EPB41L4A: variants seen among roughly 807,000 people sequenced by gnomAD.
EPB41L4A encodes erythrocyte membrane protein band 4.1 like 4A, also known as band 4.1-like protein 4A.
A neutral mutation model predicts 108.6 loss-of-function variants in EPB41L4A; 100 were observed. The ratio of observed to expected loss-of-function variants is 0.92; its 90% confidence interval spans 0.78 to 1.09. The LOEUF is 1.09. Ranked by LOEUF, EPB41L4A falls within the 50% of genes least tolerant of loss-of-function variation. The pLI, the probability that EPB41L4A is intolerant of heterozygous loss-of-function variation, is 0.00. For synonymous variants in EPB41L4A, 319 were observed against 289.0 expected, an observed-to-expected ratio of 1.10 and a Z score of -1.05; for missense variants, 1,030 against 842.7, an observed-to-expected ratio of 1.22 and a Z score of -2.75.
chr5:112,146,111 A>C, intron 12 of EPB41L4A: 1 of 376,260 alleles, frequency 2.7e-6, no homozygotes, highest in Non-Finnish European at 5.2e-6. Flanking sequence ...AGGGTCTTAC[A>C]GAATCGAGAC....
At chr5:112,337,497 T>C (rs542352107) in intron 1 of EPB41L4A, among the ~76,000 whole-genome samples, 2 of 152,250 alleles carry the variant, frequency 1.3e-5, no homozygotes, top group South Asian at 4.2e-4. Flanking sequence ...ATCTCAGTCA[T>C]CACAAGATCC....
intron 1 of EPB41L4A, among the ~76,000 whole-genome samples, chr5:112,399,538 C>G (rs144183868): frequency 6.6e-6 from 1 of 152,294 alleles, no homozygotes. Context: ...AACATCCTCA[C>G]TATCTTTTTT....
chr5:112,330,823 T>C lies in EPB41L4A; in HGVS notation c.100-23333A>G, dbSNP rs78253092. Among the ~76,000 whole-genome samples, 525 of 152,264 alleles carry C rather than the reference T, an allele frequency of 3.4e-3. 1 individual carries two copies. The highest frequency in any genetic ancestry group is 0.012 in the African/African-American group (486 of 41,554). ...ATATGTTAATATGCATATTTTCATA[T>C]AGATTTAGAAAAAAATCATCAAGAG... is the stretch of plus-strand genomic sequence containing the variant. On this transcript the variant is annotated intron_variant, in intron 1 of 22. Transcript: ENST00000261486.
At chr5:112,396,058 T>G (rs1580825573) in intron 1 of EPB41L4A, among the ~76,000 whole-genome samples, 3 of 151,910 alleles carry the variant, frequency 2.0e-5, no homozygotes, top group African/African-American at 7.3e-5. Context: ...ATGAGAACAC[T>G]TGGACACAGG....
intron 1 of EPB41L4A, among the ~76,000 whole-genome samples, chr5:112,310,454 T>C (rs1754975624): frequency 6.6e-6 from 1 of 152,232 alleles, no homozygotes; most frequent in Admixed American, 6.5e-5. Context: ...CACCCTGTCT[T>C]CATCCTGACT....
chr5:112,194,535 G>A, intron 17 of EPB41L4A, 33 bp downstream of exon 17: 1 of 1,295,790 alleles, frequency 7.7e-7, no homozygotes, highest in Non-Finnish European at 1.1e-6. Flanking sequence ...TCTGATTTCA[G>A]AGTGCCAGTT....
At chr5:112,158,537 C>T, downstream of EPB41L4A, 1 of 213,514 alleles carries the variant, frequency 4.7e-6, no homozygotes, top group Non-Finnish European at 9.8e-6. Context: ...CTGCATTAGT[C>T]CATTCTCATG....
intron 12 of EPB41L4A, among the ~76,000 whole-genome samples, chr5:112,223,533 G>A (rs1290544808): frequency 1.3e-5 from 2 of 152,060 alleles, no homozygotes; most frequent in Non-Finnish European, 2.9e-5. Context: ...ATCCCAAACC[G>A]CTGACAGACA....
At chr5:112,413,399 A>G (rs1210623622) in intron 1 of EPB41L4A, among the ~76,000 whole-genome samples, 1 of 152,212 alleles carries the variant, frequency 6.6e-6, no homozygotes, top group African/African-American at 2.4e-5. Flanking sequence ...GTAAAAATAA[A>G]ATAGCAAAGG....
At chr5:112,371,885 A>G (rs1322758749) in intron 1 of EPB41L4A, among the ~76,000 whole-genome samples, 1 of 152,138 alleles carries the variant, frequency 6.6e-6, no homozygotes, top group Non-Finnish European at 1.5e-5. Context: ...TGAACATTAT[A>G]TTCTAGTAGA....
intron 9 of EPB41L4A, among the ~76,000 whole-genome samples, chr5:112,241,123 A>G (rs1749756091): frequency 6.6e-6 from 1 of 152,154 alleles, no homozygotes; most frequent in African/African-American, 2.4e-5. Context: ...GGCCACTAAT[A>G]CAGGAAAAGC....
chr5:112,313,387 T>C (rs546337197), intron 1 of EPB41L4A, among the ~76,000 whole-genome samples: 3 of 152,150 alleles, frequency 2.0e-5, no homozygotes, highest in Admixed American at 2.0e-4. Flanking sequence ...GTCAGGAGAT[T>C]GAGACCATCC....
chr5:112,368,447 G>A (rs1352096775), intron 1 of EPB41L4A, among the ~76,000 whole-genome samples: 1 of 151,850 alleles, frequency 6.6e-6, no homozygotes, highest in Non-Finnish European at 1.5e-5. Flanking sequence ...ATATACCTTA[G>A]TCACTCAAAT....
chr5:112,223,954 T>G (rs978770632), intron 12 of EPB41L4A, among the ~76,000 whole-genome samples: 1 of 152,164 alleles, frequency 6.6e-6, no homozygotes, highest in African/African-American at 2.4e-5. Context: ...ATTTGAACTT[T>G]AGGCTTTTTT....
At chr5:112,418,269 G>C (rs947752306) in intron 1 of EPB41L4A, among the ~76,000 whole-genome samples, 1 of 152,184 alleles carries the variant, frequency 6.6e-6, no homozygotes, top group Admixed American at 6.5e-5. Context: ...GTAAGGAAGA[G>C]GATCTCTGCG....
intron 1 of EPB41L4A, among the ~76,000 whole-genome samples, chr5:112,352,926 C>T (rs1284693298): frequency 2.0e-5 from 3 of 152,176 alleles, no homozygotes; most frequent in African/African-American, 7.2e-5. Flanking sequence ...ATCTGCACAC[C>T]TACAGTAACA....
At chr5:112,293,584 T>C (rs72781664) in intron 2 of EPB41L4A, among the ~76,000 whole-genome samples, 26,959 of 152,154 alleles carry the variant, frequency 0.18, 3,013 homozygotes, top group African/African-American at 0.31. Context: ...AAATGTGCCA[T>C]GGAGGTGATC....
rs368933667 is a variant in EPB41L4A, at chr5:112,322,006, A to AT, written c.100-14517dup. On this transcript the variant is annotated intron_variant, in intron 1 of 22. Coordinates refer to ENST00000261486, the MANE Select transcript of EPB41L4A (RefSeq NM_022140.5). ...TTTTTATGTCATAGTTCAACATTAC[A>AT]TAAGTCATAATCAGATAAAATAATA... Among the ~76,000 whole-genome samples, 877 of 152,362 alleles carry AT rather than the reference A, an allele frequency of 5.8e-3. 2 individuals carry two copies. Among genetic ancestry groups the AT allele is most frequent in the Middle Eastern group, 0.014 (4 of 294 alleles).
chr5:112,383,225 AAG>A (rs2112618085), intron 1 of EPB41L4A, among the ~76,000 whole-genome samples: 1 of 152,360 alleles, frequency 6.6e-6, no homozygotes, highest in East Asian at 1.9e-4. Context: ...GAGTCAACTA[AAG>A]ATTAAGTGGA....
Sources: allele counts gnomAD v4.1 joint callset (sites outside exome capture counted in the v4.1 genomes callset), GRCh38; gene constraint gnomAD v4.1.1; transcripts MANE v1.5; gene names NCBI Gene and HGNC (gene_info 2026-07-23, HGNC 2026-07-21).